PDE7B: variants seen among roughly 807,000 people sequenced by gnomAD.
PDE7B encodes the protein phosphodiesterase 7B.
A neutral mutation model predicts 56.2 loss-of-function variants in PDE7B; 29 were observed. The ratio of observed to expected loss-of-function variants is 0.52; its 90% confidence interval spans 0.38 to 0.70. The LOEUF (loss-of-function observed/expected upper bound fraction) is 0.70, where lower values mean the gene tolerates loss of function less well. Among genes scored for constraint, PDE7B ranks in the 30% least tolerant of loss-of-function variants. PDE7B has a pLI of 0.00. For synonymous variants in PDE7B, 197 were observed against 196.9 expected, an observed-to-expected ratio of 1.00 and a Z score of 0.00; for missense variants, 490 against 565.0, an observed-to-expected ratio of 0.87 and a Z score of 1.35.
chr6:136,188,843 G>T (rs2128452493), intron 12 of PDE7B, among the ~76,000 whole-genome samples: 1 of 152,300 alleles, frequency 6.6e-6, no homozygotes, highest in South Asian at 2.1e-4. Flanking sequence ...ATAATAAAGA[G>T]AAAGGGAAGG....
intron 2 of PDE7B, among the ~76,000 whole-genome samples, chr6:135,953,834 TGAAA>T (rs936049325): frequency 6.6e-6 from 1 of 152,192 alleles, no homozygotes; most frequent in African/African-American, 2.4e-5. Context: ...AAGACTGTGT[TGAAA>T]GACAGACGTT....
At chr6:136,028,989 G>A (rs1776195346) in intron 2 of PDE7B, among the ~76,000 whole-genome samples, 1 of 152,194 alleles carries the variant, frequency 6.6e-6, no homozygotes, top group Non-Finnish European at 1.5e-5. Context: ...TTCAATGTAA[G>A]TTTGAATGTG....
intron 1 of PDE7B, among the ~76,000 whole-genome samples, chr6:135,870,535 C>CTAGGTGGTACCTAGTG (rs1775358443): frequency 6.6e-6 from 1 of 150,682 alleles, no homozygotes; most frequent in Non-Finnish European, 1.5e-5. Context: ...GTACATTTCA[C>CTAGGTGGTACCTAGTG]AAGTACATAT....
chr6:135,971,754 T>C (rs796257424), intron 2 of PDE7B, among the ~76,000 whole-genome samples: 15 of 152,266 alleles, frequency 9.9e-5, no homozygotes, highest in African/African-American at 3.6e-4. Flanking sequence ...TCACTGGAGA[T>C]AAACTACCCA....
At chr6:135,946,003 A>C (rs1267278803) in intron 1 of PDE7B, among the ~76,000 whole-genome samples, 1 of 152,162 alleles carries the variant, frequency 6.6e-6, no homozygotes, top group African/African-American at 2.4e-5. Context: ...TGTGCCCTCC[A>C]ACATTTCATT....
intron 3 of PDE7B, among the ~76,000 whole-genome samples, chr6:136,118,793 T>C (rs1481293572): frequency 6.6e-6 from 1 of 152,218 alleles, no homozygotes; most frequent in Non-Finnish European, 1.5e-5. Flanking sequence ...CTTTTTATAG[T>C]ACATTTAGAT....
intron 2 of PDE7B, chr6:136,034,275 A>G (rs1041992227): frequency 2.0e-5 from 3 of 152,216 alleles, no homozygotes; most frequent in African/African-American, 7.2e-5. Flanking sequence ...AGATTTTTAC[A>G]TAGCCCTCAG....
intron 8 of PDE7B, among the ~76,000 whole-genome samples, chr6:136,160,408 A>C (rs1357065300): frequency 6.6e-6 from 1 of 152,124 alleles, no homozygotes; most frequent in African/African-American, 2.4e-5. Flanking sequence ...GCCTCTGTGA[A>C]AGATGAGTCT....
chr6:136,105,189 T>C (rs1300365584), intron 2 of PDE7B, among the ~76,000 whole-genome samples: 2 of 152,244 alleles, frequency 1.3e-5, no homozygotes, highest in African/African-American at 4.8e-5. Context: ...GCTCTTTGAT[T>C]GAACCGTGAA....
intron 2 of PDE7B, among the ~76,000 whole-genome samples, chr6:135,949,947 A>AT (rs1313211116): frequency 2.0e-5 from 3 of 152,128 alleles, no homozygotes; most frequent in South Asian, 4.1e-4. Context: ...GACGGCTTAG[A>AT]TTTTTTAAGA....
intron 2 of PDE7B, among the ~76,000 whole-genome samples, chr6:136,099,540 TTTTTCATA>T (rs1249161812): frequency 1.3e-5 from 2 of 152,238 alleles, no homozygotes; most frequent in Non-Finnish European, 2.9e-5. Context: ...TGATGAGCAT[TTTTTCATA>T]TGTCTGTTGG....
chr6:135,954,957 C>T (rs1476295058), intron 2 of PDE7B, among the ~76,000 whole-genome samples: 2 of 152,036 alleles, frequency 1.3e-5, no homozygotes, highest in Non-Finnish European at 1.5e-5. Context: ...ACAACACAAG[C>T]GAAGTCCAAA....
At chr6:136,056,249 A>T (rs567415623) in intron 2 of PDE7B, among the ~76,000 whole-genome samples, 1 of 152,324 alleles carries the variant, frequency 6.6e-6, no homozygotes, top group Admixed American at 6.5e-5. Flanking sequence ...CATGTTGAAT[A>T]ACTTTGTCCC....
At chr6:136,099,633 T>C (rs891834584) in intron 2 of PDE7B, among the ~76,000 whole-genome samples, 32 of 152,200 alleles carry the variant, frequency 2.1e-4, no homozygotes, top group Non-Finnish European at 4.1e-4. Context: ...GTTTTTTTTC[T>C]TGTAAATTTG....
intron 9 of PDE7B, among the ~76,000 whole-genome samples, chr6:136,176,266 T>C: frequency 6.6e-6 from 1 of 152,230 alleles, no homozygotes; most frequent in East Asian, 1.9e-4. Context: ...AAAATAATTT[T>C]ATTTTCCAAT....
chr6:136,069,880 T>C (rs892491930), intron 2 of PDE7B, among the ~76,000 whole-genome samples: 1 of 152,184 alleles, frequency 6.6e-6, no homozygotes, highest in African/African-American at 2.4e-5. Context: ...TCTCTTTTTC[T>C]GTCTATTGAT....
intron 2 of PDE7B, among the ~76,000 whole-genome samples, chr6:136,097,295 C>T (rs890562316): frequency 3.3e-5 from 5 of 152,126 alleles, no homozygotes; most frequent in African/African-American, 9.7e-5. Context: ...TATTTCTTTC[C>T]ACAAACTGGG....
chr6:135,941,811 T>C (rs994137031), intron 1 of PDE7B, among the ~76,000 whole-genome samples: 2 of 152,218 alleles, frequency 1.3e-5, no homozygotes, highest in Non-Finnish European at 2.9e-5. Context: ...CAAGGATTTC[T>C]GTCTTTGGTT....
chr6:136,174,490 T>C (rs1372827604), intron 9 of PDE7B, among the ~76,000 whole-genome samples: 1 of 152,174 alleles, frequency 6.6e-6, no homozygotes, highest in Non-Finnish European at 1.5e-5. Context: ...TGAGTCCCAC[T>C]AAATCTGAGG....
Sources: allele counts gnomAD v4.1 joint callset (sites outside exome capture counted in the v4.1 genomes callset), GRCh38; gene constraint gnomAD v4.1.1; transcripts MANE v1.5; gene names NCBI Gene and HGNC (gene_info 2026-07-23, HGNC 2026-07-21).